MAK16: variants seen among roughly 807,000 people sequenced by gnomAD.
MAK16 encodes protein MAK16 homolog.
In MAK16, 12 loss-of-function variants were observed where a neutral mutation model predicts 49.9. That is an observed-to-expected ratio of 0.24 (90% CI 0.15 to 0.39). The LOEUF is 0.39. Among genes scored for constraint, MAK16 ranks in the 10% least tolerant of loss-of-function variants. The pLI, the probability that MAK16 is intolerant of heterozygous loss-of-function variation, is 1.00. For synonymous variants in MAK16, 115 were observed against 126.4 expected, an observed-to-expected ratio of 0.91 and a Z score of 0.60; for missense variants, 292 against 363.7, an observed-to-expected ratio of 0.80 and a Z score of 1.60.
chr8:33,497,893 C>T (rs1265235927), intron 9 of MAK16, among the ~76,000 whole-genome samples: 2 of 151,214 alleles, frequency 1.3e-5, no homozygotes, highest in Non-Finnish European at 2.9e-5. Flanking sequence ...GTCAGGAGTT[C>T]GAGACCAGCC....
intron 8 of MAK16, 30 bp from the exon 9 acceptor site, chr8:33,497,202 C>T (rs1808877845): frequency 6.6e-7 from 1 of 1,520,698 alleles, no homozygotes; most frequent in Non-Finnish European, 9.1e-7. Context: ...ATTATGTATT[C>T]TGAACCTAAC....
intron 1 of MAK16, 162 bp downstream of exon 1, chr8:33,485,383 T>A (rs1296023163): frequency 1.9e-5 from 18 of 934,402 alleles, no homozygotes; most frequent in Middle Eastern, 2.1e-4. Context: ...CTCACGCGTG[T>A]CTAGCAGGGG....
At chr8:33,488,109 A>T (rs1335255937) in intron 1 of MAK16, among the ~76,000 whole-genome samples, 1 of 152,058 alleles carries the variant, frequency 6.6e-6, no homozygotes, top group Non-Finnish European at 1.5e-5. Flanking sequence ...TGTATTTTTA[A>T]TATAAACAGG....
intron 6 of MAK16, among the ~76,000 whole-genome samples, chr8:33,492,455 C>G (rs183571218): frequency 1.2e-3 from 176 of 152,244 alleles, no homozygotes; most frequent in Admixed American, 0.01. Flanking sequence ...GTTACCTTTG[C>G]TTGTGGGATA....
At chr8:33,494,362 ACCTTGC>A (rs1419471060) in intron 6 of MAK16, among the ~76,000 whole-genome samples, 1 of 152,214 alleles carries the variant, frequency 6.6e-6, no homozygotes, top group Non-Finnish European at 1.5e-5. Context: ...GGCATGAGCC[ACCTTGC>A]CAGCCTGGTT....
rs1428548297 is a variant in MAK16, at chr8:33,501,049, A to G, written c.*2420A>G. The G allele has an allele frequency of 6.5e-6, 1 of 154,688 alleles. No individual in the cohort carries two copies. The highest frequency in any genetic ancestry group is 2.4e-5 in the African/African-American group (1 of 41,472). The allele number at this position is 154,688 out of a possible 1,614,324, so 9.6% of individuals were successfully genotyped here. A position where few individuals can be genotyped will look rare whatever the true frequency, so the allele number is the denominator to read the frequency against. On this transcript the variant is annotated 3_prime_UTR_variant, in exon 10 of 10. Coordinates refer to ENST00000360128, the MANE Select transcript of MAK16 (RefSeq NM_032509.4). ...TTCTAAAAGTTTTCATCGCCTTGGT[A>G]AAGCTCCAGAAATGGACAATGCTAG... is the stretch of plus-strand genomic sequence containing the variant.
In MAK16 at chr8:33,499,354, T is replaced by A; in HGVS notation, c.*725T>A. ...TCCCCTTTTGCTTGATTCTTCTTCC[T>A]TGGTATCATATTCAAAGGAGGAAAG... On this transcript the variant is annotated 3_prime_UTR_variant, in exon 10 of 10. Transcript: ENST00000360128. 9.6e-7 allele frequency: 1 copy of A among 1,044,464 alleles called. No individual in the cohort carries two copies. The highest frequency in any genetic ancestry group is 1.3e-5 in the South Asian group (1 of 75,480). 64.7% of individuals were successfully genotyped at this position (1,044,464 alleles called of 1,614,324 possible).
chr8:33,496,865 A>AT, intron 8 of MAK16, 124 bp downstream of exon 8: 1 of 778,100 alleles, frequency 1.3e-6, no homozygotes, highest in Non-Finnish European at 2.0e-6. Flanking sequence ...CATGTGATTA[A>AT]TTTTGGTTTA....
chr8:33,496,573 C>G (rs1344505330), intron 7 of MAK16, 52 bp from the exon 8 acceptor site: 11 of 1,369,288 alleles, frequency 8.0e-6, no homozygotes, highest in Non-Finnish European at 1.1e-5. Flanking sequence ...AGTGGAACTT[C>G]AAGTGTAATA....
At position 33,489,702 on chromosome 8, in the gene MAK16, G is replaced by A. The variant is rs1485586095; in HGVS notation, c.392+563G>A. On this transcript the variant is annotated intron_variant, in intron 5 of 9. Coordinates refer to ENST00000360128, the MANE Select transcript of MAK16 (RefSeq NM_032509.4). This position sits in a 1 kb window ranked among gnomAD's most constrained non-coding sequence, Gnocchi z 4.2. ...TCAGAAAATTTCCTCTATGACCCCC[G>A]AGGGAATCTTAACTTTAGAGATTTG... is the stretch of plus-strand genomic sequence containing the variant. Among the ~76,000 whole-genome samples the A allele has an allele frequency of 1.3e-5, 2 of 152,092 alleles. No homozygotes were observed. Among genetic ancestry groups the A allele is most frequent in the African/African-American group, 4.8e-5 (2 of 41,412 alleles).
In MAK16 at chr8:33,500,195, C is replaced by A; in HGVS notation, c.*1566C>A. 2.1e-6 allele frequency: 2 copies of A among 947,076 alleles called. No homozygotes were observed. Among genetic ancestry groups the A allele is most frequent in the South Asian group, 1.5e-5 (1 of 67,022 alleles). 58.7% of individuals were successfully genotyped at this position (947,076 alleles called of 1,614,324 possible). The stretch of plus-strand genomic sequence containing the variant: ...CAAGCTCTTTTGAGGCTAGAGGGCT[C>A]ATATGGAGATCTAAAACCCTCCATG... On this transcript the variant is annotated 3_prime_UTR_variant, in exon 10 of 10. Coordinates refer to ENST00000360128, the MANE Select transcript of MAK16 (RefSeq NM_032509.4).
chr8:33,488,708 C>T (rs1187565998), intron 3 of MAK16, 26 bp from the exon 4 acceptor site: 2 of 1,613,092 alleles, frequency 1.2e-6, no homozygotes, highest in Non-Finnish European at 1.7e-6. Context: ...GTAAATAACA[C>T]TAAAGCTATT....
rs750505271 is a variant in MAK16 at position 33,500,291 on chromosome 8, T to C, written c.*1662T>C. 2.5e-6 allele frequency: 4 copies of C among 1,612,840 alleles called. No individual in the cohort carries two copies. The highest frequency in any genetic ancestry group is 4.5e-5 in the East Asian group (2 of 44,868). ...AATCATGGGAATTACATAAGGATAA[T>C]GAGGCCCAACTGAAACCAAGTTTCA... On this transcript the variant is annotated 3_prime_UTR_variant, in exon 10 of 10. Transcript: ENST00000360128.
rs780743926 is a variant in MAK16 at position 33,489,693 on chromosome 8, A to G, written c.392+554A>G. Among the ~76,000 whole-genome samples the G allele has an allele frequency of 1.3e-5, 2 of 152,110 alleles. No homozygotes were observed. The highest frequency in any genetic ancestry group is 2.9e-5 in the Non-Finnish European group (2 of 68,014). On this transcript the variant is annotated intron_variant, in intron 5 of 9. Transcript: ENST00000360128. This position sits in a 1 kb window ranked among gnomAD's most constrained non-coding sequence, Gnocchi z 4.2. ...GCCCAGCCTTCAGAAAATTTCCTCT[A>G]TGACCCCCGAGGGAATCTTAACTTT...
rs181164317 is a variant in MAK16, at chr8:33,490,314, T to C, written c.422T>C (p.Val141Ala). The C allele has an allele frequency of 3.7e-6, 6 of 1,613,284 alleles. No homozygotes were observed. In the East Asian group the frequency reaches 1.3e-4, roughly 36 times the overall value. ...QRKLVPLSKK[V>A]ERREKRREEK... is the part of the protein sequence containing the mutation. The stretch of plus-strand genomic sequence containing the variant: ...AAACTTGTTCCTTTGAGTAAGAAGG[T>C]GGAGCGTAGGGAGAAAAGAAGAGAG... Residue 141 changes from valine (V) to alanine (A), a missense_variant, in exon 6 of 10, where the codon GTG (valine) becomes GCG (alanine). By Grantham distance (64) the Val-to-Ala change is moderately conservative. Coordinates refer to ENST00000360128, the MANE Select transcript of MAK16 (RefSeq NM_032509.4).
At chr8:33,492,303 C>T (rs982048858) in intron 6 of MAK16, among the ~76,000 whole-genome samples, 3 of 152,176 alleles carry the variant, frequency 2.0e-5, no homozygotes, top group Non-Finnish European at 4.4e-5. Flanking sequence ...TGAGCCACCG[C>T]GCTGGCCTGT....
chr8:33,488,095 A>C (rs763342673), intron 1 of MAK16, among the ~76,000 whole-genome samples: 3 of 152,000 alleles, frequency 2.0e-5, no homozygotes, highest in African/African-American at 7.2e-5. Flanking sequence ...TGCCCAGCTA[A>C]TTTTGTATTT....
At chr8:33,490,159 C>T in intron 5 of MAK16, 126 bp from the exon 6 acceptor site, 3 of 696,722 alleles carry the variant, frequency 4.3e-6, no homozygotes, top group East Asian at 2.8e-5. Context: ...TGAAGCTCAG[C>T]CATCCTGCCC....
At chr8:33,488,231 C>T (rs1808718810) in intron 1 of MAK16, 147 bp from the exon 2 acceptor site, 1 of 911,744 alleles carries the variant, frequency 1.1e-6, no homozygotes. Context: ...CCCGGCCTTG[C>T]TGTTTGTATT....
Sources: gnomAD v4.1 joint callset for allele counts (sites outside exome capture counted in the v4.1 genomes callset) on GRCh38, gnomAD v4.1.1 for gene constraint, Gnocchi (gnomAD v3.1) non-coding constraint, MANE v1.5 for transcripts, NCBI Gene and HGNC (gene_info 2026-07-23, HGNC 2026-07-21) for gene names.